Variants in STAP2 observed in about 807,000 individuals in gnomAD.
STAP2 encodes the protein signal-transducing adaptor protein 2.
Under a neutral mutation model 52.7 loss-of-function variants are expected in STAP2, and 58 were observed. That is an observed-to-expected ratio of 1.10 (90% CI 0.89 to 1.37). The LOEUF (loss-of-function observed/expected upper bound fraction) is 1.37. Among genes scored for constraint, STAP2 ranks in the 40% most tolerant of loss-of-function variants. STAP2 has a pLI of 0.00. For synonymous variants in STAP2, 231 were observed against 210.5 expected (o/e 1.10, Z -0.84); for missense variants, 522 against 519.4 (o/e 1.00, Z -0.05).
At chr19:4,328,832 C>T (rs551637766) in intron 5 of STAP2, 23 bp from the exon 6 acceptor site, 4 of 1,603,632 alleles carry the variant, frequency 2.5e-6, no homozygotes, top group Non-Finnish European at 3.4e-6. Context: ...GCGTCACCCA[C>T]TCGGGACCCC....
chr19:4,324,841 T>C (rs1017768682), intron 11 of STAP2: 1 of 373,406 alleles, frequency 2.7e-6, no homozygotes, highest in Non-Finnish European at 4.8e-6. Context: ...AAAACAACAA[T>C]AAAGACAGAT....
intron 11 of STAP2, 169 bp downstream of exon 11, chr19:4,325,047 G>A (rs1307908106): frequency 3.3e-6 from 2 of 604,766 alleles, no homozygotes; most frequent in East Asian, 2.9e-5. Context: ...GCTGAGGCAG[G>A]AGAATGGCGT....
intron 1 of STAP2, 42 bp downstream of exon 1, chr19:4,338,610 C>A: frequency 6.6e-7 from 1 of 1,518,992 alleles, no homozygotes; most frequent in South Asian, 1.1e-5. Flanking sequence ...CGCAGCTCCC[C>A]ACGGTGGCCC....
rs1472526108 is a variant in STAP2, at chr19:4,338,677, A to G, written c.77T>C (p.Leu26Pro). 1 of 1,613,240 alleles carries G rather than the reference A, an allele frequency of 6.2e-7. No homozygotes were observed. Among genetic ancestry groups the G allele is most frequent in the Non-Finnish European group, 8.5e-7 (1 of 1,179,568 alleles). ...VLPSHYYESF[L>P]EKKGPCDRDY... is the part of the protein sequence containing the mutation. The stretch of plus-strand genomic sequence containing the variant: ...CCGGTCACAGGGCCCCTTCTTCTCT[A>G]GAAAGCTCTCATAGTAGTGTGAAGG... The change falls in exon 1 of 13, where the codon CTA (leucine) becomes CCA (proline). Residue 26 changes from leucine to proline, a missense_variant. Coordinates refer to ENST00000594605, the MANE Select transcript of STAP2 (RefSeq NM_001013841.2).
chr19:4,324,718 G>C (rs1289020132), intron 11 of STAP2, 189 bp from the exon 12 acceptor site: 1 of 565,334 alleles, frequency 1.8e-6, no homozygotes, highest in Non-Finnish European at 3.1e-6. Context: ...TGTAATCCCA[G>C]CTACTTGGGA....
At chr19:4,336,966 A>G (rs1465205680) in intron 1 of STAP2, among the ~76,000 whole-genome samples, 3 of 152,024 alleles carry the variant, frequency 2.0e-5, no homozygotes, top group Non-Finnish European at 4.4e-5. Flanking sequence ...GCAGTGATCT[A>G]CTGGCTCTAA....
chr19:4,329,421 C>A (rs1455974297), intron 5 of STAP2, among the ~76,000 whole-genome samples: 2 of 151,974 alleles, frequency 1.3e-5, no homozygotes, highest in East Asian at 1.9e-4. Flanking sequence ...TTAATTCTGG[C>A]CCCGGAGATG....
At chr19:4,338,484 G>A (rs913781621) in intron 1 of STAP2, among the ~76,000 whole-genome samples, 168 bp downstream of exon 1, 9 of 152,100 alleles carry the variant, frequency 5.9e-5, no homozygotes, top group Admixed American at 5.9e-4. Flanking sequence ...AGAGATAGAC[G>A]CACAGAGAGG....
intron 6 of STAP2, 61 bp from the exon 7 acceptor site, chr19:4,327,446 A>ACGACC: frequency 6.3e-7 from 1 of 1,580,878 alleles, no homozygotes; most frequent in Non-Finnish European, 8.7e-7. Flanking sequence ...CCCTCAGGGA[A>ACGACC]GGCCCCGCCC....
rs1185639973 is a variant in STAP2 at position 4,324,134 on chromosome 19, CAG to C, written c.1209_1210del (p.His403GlnfsTer11). 6.4e-7 allele frequency: 1 copy of C among 1,551,490 alleles called. No homozygotes were observed. Among genetic ancestry groups the C allele is most frequent in the Non-Finnish European group, 8.7e-7 (1 of 1,146,972 alleles). ...CCGCTGGTCCCTGGTGTGTCCGAAT[CAG>C]TGCTCCAGTGCCCGCCTCTTCTCCA... is the stretch of plus-strand genomic sequence containing the variant. On this transcript the variant is annotated frameshift_variant and stop_lost, in exon 13 of 13. Coordinates refer to ENST00000594605, the MANE Select transcript of STAP2 (RefSeq NM_001013841.2). LOFTEE classifies it high-confidence loss of function.
chr19:4,328,564 C>T (rs1471027604), intron 6 of STAP2, 111 bp downstream of exon 6: 1 of 1,426,556 alleles, frequency 7.0e-7, no homozygotes, highest in African/African-American at 1.4e-5. Flanking sequence ...GCTCCGTCCC[C>T]TGGCCTACCC....
rs771006353 is a variant in STAP2, at chr19:4,329,910, A to G, written c.455+51T>C. Reference sequence around the variant, plus strand: ...CTCACCGCCCACCCTCAGCCACACAACCACCTCCCGTCCCCATCCTGCAGC... The same window carrying G: ...CTCACCGCCCACCCTCAGCCACACAGCCACCTCCCGTCCCCATCCTGCAGC... On this transcript the variant is annotated intron_variant, in intron 5 of 12. Transcript: ENST00000594605. 16 of 1,502,378 alleles carry G rather than the reference A, an allele frequency of 1.1e-5. No homozygotes were observed. The South Asian group carries it at 1.8e-4, about 17-fold the overall frequency. 93.1% of individuals were successfully genotyped at this position (1,502,378 alleles called of 1,614,324 possible). A position where few individuals can be genotyped will look rare whatever the true frequency, so the allele number is the denominator to read the frequency against.
rs766016096 is a variant in STAP2, at chr19:4,338,761, C to T, written c.-8G>A. On this transcript the variant is annotated 5_prime_UTR_variant, in exon 1 of 13. Transcript: ENST00000594605. ...CCTCAGGGCAGAGGCCATGACGGAGCCAGGGTCTTCCGCCTGGCCTCTCCT... is the reference window on the plus strand; with the variant it reads ...CCTCAGGGCAGAGGCCATGACGGAGTCAGGGTCTTCCGCCTGGCCTCTCCT... 1 of 1,607,772 alleles carries T rather than the reference C, an allele frequency of 6.2e-7. No homozygotes were observed. Among genetic ancestry groups the T allele is most frequent in the Admixed American group, 1.7e-5 (1 of 59,492 alleles).
chr19:4,337,389 G>A (rs1161539460), intron 1 of STAP2, among the ~76,000 whole-genome samples: 1 of 150,142 alleles, frequency 6.7e-6, no homozygotes, highest in African/African-American at 2.4e-5. Context: ...GCACCACCAC[G>A]CCCGGCTAAT....
At chr19:4,336,031 G>T (rs1286047479) in intron 1 of STAP2, among the ~76,000 whole-genome samples, 1 of 152,008 alleles carries the variant, frequency 6.6e-6, no homozygotes, top group Non-Finnish European at 1.5e-5. Flanking sequence ...TTGTTTTTAA[G>T]AGACAGAGTC....
At chr19:4,336,591 G>C (rs1338107324) in intron 1 of STAP2, among the ~76,000 whole-genome samples, 1 of 151,876 alleles carries the variant, frequency 6.6e-6, no homozygotes, top group Non-Finnish European at 1.5e-5. Context: ...TGGGTTACAG[G>C]CGTGAGCCAC....
intron 1 of STAP2, 56 bp downstream of exon 1, chr19:4,338,582 AGGGACTCAGAGAGG>A: frequency 1.2e-6 from 1 of 809,352 alleles, no homozygotes; most frequent in East Asian, 5.4e-5. Flanking sequence ...GTGGGGAGAC[AGGGACTCAGAGAGG>A]TGCCGCAGCT....
At position 4,325,425 on chromosome 19, in the gene STAP2, C is replaced by T. The variant is rs982931908; in HGVS notation, c.950G>A (p.Gly317Asp). 7.4e-6 allele frequency: 12 copies of T among 1,614,204 alleles called. No homozygotes were observed. The highest frequency in any genetic ancestry group is 1.7e-5 in the Admixed American group (1 of 60,018). ...EENYVTPIGD[G>D]PAVDYENQDV... ...TTGGTTCTCATAGTCAACAGCTGGG[C>T]CATCTCCAATGGGGGTCACGTAGTT... Residue 317 changes from glycine to aspartate, a missense_variant, in exon 10 of 13, where the codon GGC (glycine) becomes GAC (aspartate). Transcript: ENST00000594605.
chr19:4,325,561 G>C lies in STAP2; in HGVS notation c.830-16C>G. ...GGTGCAGGACCTGATGGGGAAACGT[G>C]GTCACTGTCAAGACCCATGTCATAC... On this transcript the variant is annotated splice_polypyrimidine_tract_variant and intron_variant, in intron 9 of 12. Coordinates refer to ENST00000594605, the MANE Select transcript of STAP2 (RefSeq NM_001013841.2). 2 of 1,562,026 alleles carry C rather than the reference G, an allele frequency of 1.3e-6. No homozygotes were observed. The highest frequency in any genetic ancestry group is 1.7e-6 in the Non-Finnish European group (2 of 1,157,448).
Sources: allele counts gnomAD v4.1 joint callset (sites outside exome capture counted in the v4.1 genomes callset), GRCh38; gene constraint gnomAD v4.1.1; transcripts MANE v1.5; gene names NCBI Gene and HGNC (gene_info 2026-07-23, HGNC 2026-07-21).